The following TBC1D16 variants were observed in gnomAD, a reference collection of about 807,000 sequenced individuals.
The protein encoded by TBC1D16 is TBC1 domain family member 16.
In TBC1D16, 58 loss-of-function variants were observed where a neutral mutation model predicts 74.7. That is an observed-to-expected ratio of 0.78 (90% confidence interval 0.63 to 0.97). The LOEUF (loss-of-function observed/expected upper bound fraction) is 0.97. Ranked by LOEUF, TBC1D16 falls within the 50% of genes least tolerant of loss-of-function variation. TBC1D16 has a pLI of 0.00. For missense variants in TBC1D16, 1,014 were observed against 1,079.5 expected (o/e 0.94, Z 0.85); for synonymous variants, 493 against 474.7 (o/e 1.04, Z -0.50).
intron 3 of TBC1D16, among the ~76,000 whole-genome samples, chr17:79,964,778 G>C (rs1211311908): frequency 6.6e-6 from 1 of 152,074 alleles, no homozygotes; most frequent in Non-Finnish European, 1.5e-5. Flanking sequence ...ACGCCATTAA[G>C]CACTTATAAA....
Position 80,007,358 on chromosome 17 carries a change from C to A in TBC1D16, c.779+2802G>T, listed in dbSNP as rs1368787921. Among the ~76,000 whole-genome samples, 3 of 152,236 alleles carry A rather than the reference C, an allele frequency of 2.0e-5. No homozygotes were observed. Among genetic ancestry groups the A allele is most frequent in the Non-Finnish European group, 4.4e-5 (3 of 68,042 alleles). ...GCCGACTCTGCCCTACAAGGGGGTT[C>A]TTGGCCGCACTTCACACCCGTGAGG... On this transcript the variant is annotated intron_variant, in intron 3 of 11. Coordinates refer to ENST00000310924, the MANE Select transcript of TBC1D16 (RefSeq NM_019020.4). This position sits in a 1 kb window ranked among gnomAD's most constrained non-coding sequence, Gnocchi z 4.5.
chr17:79,963,584 G>A (rs1403397390), intron 3 of TBC1D16, among the ~76,000 whole-genome samples: 1 of 152,050 alleles, frequency 6.6e-6, no homozygotes, highest in African/African-American at 2.4e-5. Flanking sequence ...CAATTCTTTT[G>A]GGTATATACC....
intron 1 of TBC1D16, among the ~76,000 whole-genome samples, chr17:80,024,518 G>GCACCATACACACACCA (rs1568648472): frequency 1.7e-4 from 21 of 127,060 alleles, no homozygotes; most frequent in South Asian, 2.4e-4. Flanking sequence ...GACAAACCAC[G>GCACCATACACACACCA]CACACCATGC....
At chr17:79,966,683 C>CT (rs1371741484) in intron 3 of TBC1D16, among the ~76,000 whole-genome samples, 2 of 152,064 alleles carry the variant, frequency 1.3e-5, no homozygotes, top group African/African-American at 2.4e-5. Flanking sequence ...ACTTATCAGT[C>CT]TTTTTTTTCA....
chr17:79,998,173 T>C (rs1367956070), intron 3 of TBC1D16, among the ~76,000 whole-genome samples: 1 of 137,028 alleles, frequency 7.3e-6, no homozygotes, highest in African/African-American at 2.7e-5. Context: ...GGAAAAAGAA[T>C]AGTGTCGCTG....
chr17:79,988,133 G>A lies in TBC1D16; in HGVS notation c.779+22027C>T, dbSNP rs183341715. Among the ~76,000 whole-genome samples the A allele has an allele frequency of 1.3e-5, 2 of 152,358 alleles. No individual in the cohort carries two copies. Among genetic ancestry groups the A allele is most frequent in the East Asian group, 1.9e-4 (1 of 5,178 alleles). ...GTGTGTTTAGAAGGGAGAGGGGGAT[G>A]ATAGCACGTCCTGCCAGAAGCCGTT... On this transcript the variant is annotated intron_variant, in intron 3 of 11. Coordinates refer to ENST00000310924, the MANE Select transcript of TBC1D16 (RefSeq NM_019020.4). This position sits in a 1 kb window ranked among gnomAD's most constrained non-coding sequence, Gnocchi z 5.7.
In TBC1D16 at chr17:79,945,010, C is replaced by T. The variant is rs368719429; in HGVS notation, c.1806G>A (p.Leu602=). ...GCCAGCGGTGGCAGAAGAGCATCTG[C>T]AGGCCGTCCTCGCCCAGCGAGACCA... is the stretch of plus-strand genomic sequence containing the variant. ...QHLVSLGEDG[L]QMLFCHRWLL... is the part of the protein sequence containing the mutation. Residue 602 remains leucine (L), a synonymous_variant, in exon 10 of 12, where the codon CTG becomes CTA. Transcript: ENST00000310924. 6.3e-5 allele frequency: 100 copies of T among 1,578,356 alleles called. 1 individual carries two copies. Among genetic ancestry groups the T allele is most frequent in the Middle Eastern group, 5.0e-4 (3 of 6,014 alleles).
In TBC1D16 at chr17:80,015,537, G is replaced by A. The variant is rs143976798; in HGVS notation, c.-62-1928C>T. Among the ~76,000 whole-genome samples, 1,385 of 152,320 alleles carry A rather than the reference G, an allele frequency of 9.1e-3. 20 individuals are homozygous for A. The highest frequency in any genetic ancestry group is 0.029 in the African/African-American group (1,210 of 41,562). On this transcript the variant is annotated intron_variant, in intron 1 of 11. Coordinates refer to ENST00000310924, the MANE Select transcript of TBC1D16 (RefSeq NM_019020.4). Reference sequence around the variant, plus strand: ...AGGACTCTGACCACAGCTGGGCTGCGTGCAGGCCGGCTTCACAAAAGTCTG... The same window carrying A: ...AGGACTCTGACCACAGCTGGGCTGCATGCAGGCCGGCTTCACAAAAGTCTG...
Position 79,988,913 on chromosome 17 carries a change from C to T in TBC1D16, c.779+21247G>A, listed in dbSNP as rs1443684573. Among the ~76,000 whole-genome samples the T allele has an allele frequency of 6.6e-6, 1 of 152,230 alleles. No homozygotes were observed. Among genetic ancestry groups the T allele is most frequent in the Non-Finnish European group, 1.5e-5 (1 of 68,040 alleles). ...CCACCCTCCCCAACCCGCACCTGCCCGCCGGCCCCAGGCCCTCCCTCAGGA... is the reference window on the plus strand; with the variant it reads ...CCACCCTCCCCAACCCGCACCTGCCTGCCGGCCCCAGGCCCTCCCTCAGGA... On this transcript the variant is annotated intron_variant, in intron 3 of 11. Coordinates refer to ENST00000310924, the MANE Select transcript of TBC1D16 (RefSeq NM_019020.4). This position sits in a 1 kb window ranked among gnomAD's most constrained non-coding sequence, Gnocchi z 5.7.
intron 1 of TBC1D16, among the ~76,000 whole-genome samples, chr17:80,015,290 CG>C (rs2036047767): frequency 6.6e-6 from 1 of 151,882 alleles, no homozygotes; most frequent in South Asian, 2.1e-4. Flanking sequence ...AAAAGTTAGC[CG>C]GGTGTGGTGG....
At chr17:79,942,298 G>A (rs2032088878) in intron 10 of TBC1D16, 92 bp from the exon 11 acceptor site, 2 of 1,370,594 alleles carry the variant, frequency 1.5e-6, no homozygotes, top group East Asian at 2.5e-5. Context: ...GCGAGTGAGG[G>A]CTCCAGGGCG....
In TBC1D16 at chr17:79,945,583, A is replaced by G. The variant is rs114995632; in HGVS notation, c.1729-496T>C. Reference sequence around the variant, plus strand: ...CCAGGATGCTCGATTCCTGCCATTAAGGTCATCTCCCAATGATGTGGGACA... The same window carrying G: ...CCAGGATGCTCGATTCCTGCCATTAGGGTCATCTCCCAATGATGTGGGACA... On this transcript the variant is annotated intron_variant, in intron 9 of 11. Coordinates refer to ENST00000310924, the MANE Select transcript of TBC1D16 (RefSeq NM_019020.4). Among the ~76,000 whole-genome samples, 321 of 152,312 alleles carry G rather than the reference A, an allele frequency of 2.1e-3. 3 individuals are homozygous for G. Among genetic ancestry groups the G allele is most frequent in the African/African-American group, 7.4e-3 (306 of 41,572 alleles).
chr17:79,943,934 C>A (rs2143477243), intron 10 of TBC1D16: 2 of 1,460,968 alleles, frequency 1.4e-6, no homozygotes, highest in Non-Finnish European at 1.8e-6. Context: ...ACCGTCCATG[C>A]CGTGCTTCCC....
At chr17:80,011,028 T>G (rs79118271) in intron 2 of TBC1D16, among the ~76,000 whole-genome samples, 8,838 of 151,810 alleles carry the variant, frequency 0.058, 530 homozygotes, top group African/African-American at 0.15. Flanking sequence ...GCGCCTTTCT[T>G]TTTGGTTTTT....
intron 7 of TBC1D16, 109 bp downstream of exon 7, chr17:79,949,608 T>G: frequency 1.5e-6 from 2 of 1,372,360 alleles, no homozygotes; most frequent in Non-Finnish European, 2.0e-6. Context: ...AAAGAAACTA[T>G]GGGTCACGAA....
Position 79,986,824 on chromosome 17 carries a change from G to A in TBC1D16, c.779+23336C>T, listed in dbSNP as rs1330149993. Among the ~76,000 whole-genome samples, 2 of 152,226 alleles carry A rather than the reference G, an allele frequency of 1.3e-5. No homozygotes were observed. Among genetic ancestry groups the A allele is most frequent in the African/African-American group, 2.4e-5 (1 of 41,464 alleles). On this transcript the variant is annotated intron_variant, in intron 3 of 11. Coordinates refer to ENST00000310924, the MANE Select transcript of TBC1D16 (RefSeq NM_019020.4). This position sits in a 1 kb window ranked among gnomAD's most constrained non-coding sequence, Gnocchi z 6.0. ...CCTCCGATCAGGTCCACGGGAAGAT[G>A]GGGGTGAACGAGAAGCCTGAGGCCG... is the stretch of plus-strand genomic sequence containing the variant.
At chr17:80,023,657 G>GCCCCCCCCCCCC (rs200450567) in intron 1 of TBC1D16, among the ~76,000 whole-genome samples, 4 of 144,314 alleles carry the variant, frequency 2.8e-5, no homozygotes, top group African/African-American at 8.5e-5. Flanking sequence ...CTGCTGCCGG[G>GCCCCCCCCCCCC]CCCCCCCCCA....
intron 9 of TBC1D16, among the ~76,000 whole-genome samples, chr17:79,945,840 C>G (rs1019271088): frequency 6.6e-6 from 1 of 152,256 alleles, no homozygotes; most frequent in African/African-American, 2.4e-5. Context: ...GCCCCCCGGC[C>G]CAGGTGGAGT....
rs1404418412 is a variant in TBC1D16, at chr17:79,933,105, C to T, written c.*7754G>A. ...GGCGGAGGGGTGAAGGAGGAGGAGC[C>T]ACCACTTCCGAAGCATCAGAATGTC... On this transcript the variant is annotated 3_prime_UTR_variant, in exon 12 of 12. Coordinates refer to ENST00000310924, the MANE Select transcript of TBC1D16 (RefSeq NM_019020.4). 4 of 152,332 alleles carry T rather than the reference C, an allele frequency of 2.6e-5. No individual in the cohort carries two copies. The East Asian group carries it at 7.7e-4, about 29-fold the overall frequency. 9.4% of individuals were successfully genotyped at this position (152,332 alleles called of 1,614,324 possible).
Sources: gnomAD v4.1 joint callset for allele counts (sites outside exome capture counted in the v4.1 genomes callset) on GRCh38, gnomAD v4.1.1 for gene constraint, Gnocchi (gnomAD v3.1) non-coding constraint, MANE v1.5 for transcripts, NCBI Gene and HGNC (gene_info 2026-07-23, HGNC 2026-07-21) for gene names.